Variants in FYTTD1 observed in about 807,000 individuals in gnomAD.
FYTTD1 encodes forty-two-three domain containing 1.
In FYTTD1, 22 loss-of-function variants were observed where a neutral mutation model predicts 40.9. The ratio of observed to expected loss-of-function variants is 0.54; its 90% CI spans 0.38 to 0.77. FYTTD1 has a LOEUF of 0.77. FYTTD1 is among the 30% of genes least tolerant of loss of function. The pLI is 0.00. For missense variants in FYTTD1, 351 were observed against 392.2 expected, an observed-to-expected ratio of 0.90 and a Z score of 0.89; for synonymous variants, 140 against 137.9, an observed-to-expected ratio of 1.01 and a Z score of -0.10.
chr3:197,779,448 T>C lies in FYTTD1; in HGVS notation c.858+984T>C, dbSNP rs541216209. Among the ~76,000 whole-genome samples, 4 of 151,846 alleles carry C rather than the reference T, an allele frequency of 2.6e-5. No homozygotes were observed. In the South Asian group the frequency reaches 8.3e-4, roughly 32 times the overall value. ...AAGGTCAAAACCACATTGACAATTT[T>C]GTATTAACCATATTAAGCTTGTATC... On this transcript the variant is annotated intron_variant, in intron 8 of 8. Coordinates refer to ENST00000241502, the MANE Select transcript of FYTTD1 (RefSeq NM_032288.7).
chr3:197,760,145 G>T (rs955718482), intron 2 of FYTTD1, among the ~76,000 whole-genome samples: 6 of 151,518 alleles, frequency 4.0e-5, no homozygotes, highest in Non-Finnish European at 4.4e-5. Flanking sequence ...CTTATAGAGT[G>T]TTCCTCTGTG....
intron 4 of FYTTD1, among the ~76,000 whole-genome samples, chr3:197,771,860 G>A (rs1035758318): frequency 2.5e-4 from 38 of 151,336 alleles, no homozygotes; most frequent in South Asian, 1.0e-3. Flanking sequence ...TTGGGAGGCC[G>A]CTGCGTGTGG....
chr3:197,751,996 C>T (rs1184535360), intron 1 of FYTTD1, among the ~76,000 whole-genome samples: 1 of 151,988 alleles, frequency 6.6e-6, no homozygotes, highest in African/African-American at 2.4e-5. Context: ...CTCAGCCTCC[C>T]GAGTAGCTGT....
At chr3:197,775,852 TG>T (rs1410945471) in intron 6 of FYTTD1, among the ~76,000 whole-genome samples, 2 of 152,236 alleles carry the variant, frequency 1.3e-5, no homozygotes, top group African/African-American at 4.8e-5. Flanking sequence ...ATCATATAAA[TG>T]TTATTTGTTT....
chr3:197,771,584 G>A (rs1009369257), intron 4 of FYTTD1, among the ~76,000 whole-genome samples: 42 of 151,838 alleles, frequency 2.8e-4, no homozygotes, highest in African/African-American at 9.7e-4. Flanking sequence ...AGACCATCCC[G>A]GCTAAAAACG....
chr3:197,765,995 C>CA (rs1437540152), intron 2 of FYTTD1, among the ~76,000 whole-genome samples: 1 of 151,362 alleles, frequency 6.6e-6, no homozygotes, highest in African/African-American at 2.4e-5. Flanking sequence ...GACTCTGTCT[C>CA]AAAAAAATAT....
At chr3:197,771,979 A>C (rs1729733976) in intron 4 of FYTTD1, among the ~76,000 whole-genome samples, 1 of 151,928 alleles carries the variant, frequency 6.6e-6, no homozygotes, top group Admixed American at 6.6e-5. Flanking sequence ...CTGTAGTTCC[A>C]GCTATTTGGG....
At position 197,787,574 on chromosome 3, in the gene FYTTD1, A is replaced by T. The variant is rs1285561442; in HGVS notation, c.*5665A>T. On this transcript the variant is annotated 3_prime_UTR_variant, in exon 9 of 9. Coordinates refer to ENST00000241502, the MANE Select transcript of FYTTD1 (RefSeq NM_032288.7). The stretch of plus-strand genomic sequence containing the variant: ...TGAATGAGTTAACTTTCAGTCTGTA[A>T]AATAAACAGGAAGAACTGGGAAGTA... 1 of 152,198 alleles carries T rather than the reference A, an allele frequency of 6.6e-6. No homozygotes were observed. The highest frequency in any genetic ancestry group is 2.4e-5 in the African/African-American group (1 of 41,424). The allele number at this position is 152,198 out of a possible 1,614,324, so 9.4% of individuals were successfully genotyped here.
Position 197,777,138 on chromosome 3 carries a change from T to C in FYTTD1, c.731+137T>C, listed in dbSNP as rs1729899750. Reference sequence around the variant, plus strand: ...AGACAGTAATACCTGTGATACAATATGGAAACAGTATATGGTGTAAAGTAA... The same window carrying C: ...AGACAGTAATACCTGTGATACAATACGGAAACAGTATATGGTGTAAAGTAA... On this transcript the variant is annotated intron_variant, in intron 7 of 8. Coordinates refer to ENST00000241502, the MANE Select transcript of FYTTD1 (RefSeq NM_032288.7). 6 of 611,678 alleles carry C rather than the reference T, an allele frequency of 9.8e-6. No homozygotes were observed. In the East Asian group the frequency reaches 1.4e-4, roughly 14 times the overall value. The allele number at this position is 611,678 out of a possible 1,614,324, so 37.9% of individuals were successfully genotyped here.
chr3:197,768,923 G>A (rs969482107), intron 3 of FYTTD1, among the ~76,000 whole-genome samples: 1 of 151,818 alleles, frequency 6.6e-6, no homozygotes, highest in Admixed American at 6.6e-5. Context: ...CTCCCGAGTA[G>A]CTGGGATTAC....
Position 197,749,899 on chromosome 3 carries a change from T to G in FYTTD1, c.-73T>G. On this transcript the variant is annotated 5_prime_UTR_variant, in exon 1 of 9. Coordinates refer to ENST00000241502, the MANE Select transcript of FYTTD1 (RefSeq NM_032288.7). The stretch of plus-strand genomic sequence containing the variant: ...CGCTCCCTCGGTGCGGCGGGCTGCG[T>G]GCGCGAGTGGGAGGTGGCAGGCCTG... 1 of 945,002 alleles carries G rather than the reference T, an allele frequency of 1.1e-6. No individual in the cohort carries two copies. Among genetic ancestry groups the G allele is most frequent in the Non-Finnish European group, 1.5e-6 (1 of 668,076 alleles). The allele number at this position is 945,002 out of a possible 1,614,324, so 58.5% of individuals were successfully genotyped here.
upstream of FYTTD1, chr3:197,749,789 G>A (rs1728931133): frequency 8.0e-6 from 4 of 499,926 alleles, no homozygotes; most frequent in Admixed American, 1.0e-4. Flanking sequence ...CACGGCGCGG[G>A]GCCGCTCTGG....
intron 2 of FYTTD1, among the ~76,000 whole-genome samples, chr3:197,759,116 T>C (rs1393784491): frequency 1.3e-5 from 2 of 149,952 alleles, no homozygotes; most frequent in Non-Finnish European, 3.0e-5. Context: ...AGTGGTAGAA[T>C]GTATAGAGTG....
intron 2 of FYTTD1, among the ~76,000 whole-genome samples, chr3:197,765,860 G>T (rs1019242041): frequency 6.6e-6 from 1 of 152,054 alleles, no homozygotes; most frequent in South Asian, 2.1e-4. Context: ...GCCGGGCATC[G>T]TATTGGGCAC....
chr3:197,774,704 C>T (rs934534800), intron 6 of FYTTD1, among the ~76,000 whole-genome samples: 2 of 151,220 alleles, frequency 1.3e-5, no homozygotes, highest in Non-Finnish European at 2.9e-5. Context: ...GCTCGATCGC[C>T]AGTGCACACC....
intron 5 of FYTTD1, 46 bp downstream of exon 5, chr3:197,773,545 T>TTTC (rs1262010948): frequency 1.7e-6 from 2 of 1,209,280 alleles, no homozygotes; most frequent in Admixed American, 4.0e-5. Context: ...GTTTGTTTTT[T>TTTC]CCCAAAGAGG....
chr3:197,763,320 A>C (rs964185843), intron 2 of FYTTD1: 1 of 241,842 alleles, frequency 4.1e-6, no homozygotes, highest in Non-Finnish European at 8.3e-6. Context: ...AGCCTGAGGC[A>C]GGAGAATCGC....
In FYTTD1 at chr3:197,768,440, T is replaced by C; in HGVS notation, c.237T>C (p.Gly79=). 1 of 1,601,640 alleles carries C rather than the reference T, an allele frequency of 6.2e-7. No homozygotes were observed. The highest frequency in any genetic ancestry group is 2.2e-5 in the East Asian group (1 of 44,514). Reference sequence around the variant, plus strand: ...TCTTCTGTTTTTGCCCTCCTATAGGTTTTGGTAAGACTAGTCTGAATCGTA... The same window carrying C: ...TCTTCTGTTTTTGCCCTCCTATAGGCTTTGGTAAGACTAGTCTGAATCGTA... ...RVRWGIQQNS[G]FGKTSLNRRG... is the part of the protein sequence containing the mutation. The change falls in exon 3 of 9, where the codon GGT becomes GGC. Residue 79 remains glycine, a splice_region_variant and synonymous_variant. Transcript: ENST00000241502.
At chr3:197,759,324 T>C (rs1334838245) in intron 2 of FYTTD1, among the ~76,000 whole-genome samples, 2 of 152,120 alleles carry the variant, frequency 1.3e-5, no homozygotes, top group Non-Finnish European at 2.9e-5. Context: ...AGAATTGTTC[T>C]TCAGTGGTAG....
Sources: gnomAD v4.1 joint callset for allele counts (sites outside exome capture counted in the v4.1 genomes callset) on GRCh38, gnomAD v4.1.1 for gene constraint, MANE v1.5 for transcripts, NCBI Gene and HGNC (gene_info 2026-07-23, HGNC 2026-07-21) for gene names.